Variants in PLOD3 observed in about 807,000 individuals in gnomAD.
PLOD3 encodes the protein multifunctional procollagen lysine hydroxylase and glycosyltransferase LH3.
A neutral mutation model predicts 96.9 loss-of-function variants in PLOD3; 73 were observed. The observed-to-expected ratio is 0.75, with a 90% CI of 0.62 to 0.92. The LOEUF (loss-of-function observed/expected upper bound fraction) is 0.92, where lower values mean the gene tolerates loss of function less well. Among genes scored for constraint, PLOD3 ranks in the 40% least tolerant of loss-of-function variants. PLOD3 has a pLI of 0.00. For synonymous variants in PLOD3, 454 were observed against 413.7 expected (o/e 1.10, Z -1.18); for missense variants, 1,004 against 1,004.3 (o/e 1.00, Z 0.00).
chr7:101,217,120 C>T lies in PLOD3; in HGVS notation c.109+46G>A, dbSNP rs28361887. ...TCTCCGGGCCAGGCTGGCAGGCACGCCAGCCTCTGCCCCCTCGGCCGTGCC... is the reference window on the plus strand; with the variant it reads ...TCTCCGGGCCAGGCTGGCAGGCACGTCAGCCTCTGCCCCCTCGGCCGTGCC... On this transcript the variant is annotated intron_variant, in intron 1 of 18. Transcript: ENST00000223127. 0.25 allele frequency: 357,935 copies of T among 1,435,778 alleles called. 46,352 individuals are homozygous for T. The highest frequency in any genetic ancestry group is 0.44 in the African/African-American group (30,439 of 69,668). 88.9% of individuals were successfully genotyped at this position (1,435,778 alleles called of 1,614,324 possible). A position where few individuals can be genotyped will look rare whatever the true frequency, so the allele number is the denominator to read the frequency against.
In PLOD3 at chr7:101,213,174, C is replaced by A; in HGVS notation, c.710G>T (p.Arg237Leu). The A allele has an allele frequency of 1.9e-6, 3 of 1,613,602 alleles. No individual in the cohort carries two copies. The highest frequency in any genetic ancestry group is 2.5e-6 in the Non-Finnish European group (3 of 1,179,566). ...GTAGGCCACGTTCCGGATACGCACA[C>A]GGTTCCGATCAAACTTTAAAACCAC... is the stretch of plus-strand genomic sequence containing the variant. ...DEVVLKFDRN[R>L]VRIRNVAYDT... Residue 237 changes from arginine (R) to leucine (L), a missense_variant, in exon 7 of 19, where the codon CGT becomes CTT. Physicochemically the swap from Arg to Leu is moderately radical, Grantham distance 102. This residue lies in a region of PLOD3 where 690 missense variants were observed against 650.2 expected (regional missense o/e 1.06). Coordinates refer to ENST00000223127, the MANE Select transcript of PLOD3 (RefSeq NM_001084.5).
rs531180467 is a variant in PLOD3 at position 101,217,526 on chromosome 7, C to T, written c.-252G>A. On this transcript the variant is annotated 5_prime_UTR_variant, in exon 1 of 19. Coordinates refer to ENST00000223127, the MANE Select transcript of PLOD3 (RefSeq NM_001084.5). ...GGGAGGCGGGGGAGGGGCGGCGGCT[C>T]GGGCCGGCGGGCGGGAGACAGGGAC... The T allele has an allele frequency of 8.5e-5, 38 of 447,864 alleles. No individual in the cohort carries two copies. Among genetic ancestry groups the T allele is most frequent in the African/African-American group, 5.8e-4 (28 of 47,936 alleles). The allele number at this position is 447,864 out of a possible 1,614,324, so 27.7% of individuals were successfully genotyped here. A position where few individuals can be genotyped will look rare whatever the true frequency, so the allele number is the denominator to read the frequency against.
At chr7:101,212,051 A>T in intron 10 of PLOD3, 101 bp from the exon 11 acceptor site, 1 of 1,032,282 alleles carries the variant, frequency 9.7e-7, no homozygotes, top group Middle Eastern at 3.0e-4. Context: ...GGCAGTGTCT[A>T]TCCTTCCTTC....
In PLOD3 at chr7:101,206,867, G is replaced by A; in HGVS notation, c.1973C>T (p.Pro658Leu). The A allele has an allele frequency of 1.3e-6, 2 of 1,560,814 alleles. No homozygotes were observed. The highest frequency in any genetic ancestry group is 1.7e-6 in the Non-Finnish European group (2 of 1,151,910). Residue 658 changes from proline to leucine, a missense_variant, in exon 18 of 19, where the codon CCA becomes CTA. Physicochemically the swap from Pro to Leu is moderately conservative, Grantham distance 98. Around this residue, in one of 5 missense-constraint regions of PLOD3, gnomAD observed 222 missense variants for 220.4 expected, o/e 1.01. Transcript: ENST00000223127. ...TGGCCGCAGAGACGGCTGCTCGTCT[G>A]GCCGGTAGCGAACCACAAAGTTCAT... Reference protein sequence around the residue: ...AVMNFVVRYRPDEQPSLRPHH... With the variant: ...AVMNFVVRYRLDEQPSLRPHH...
intron 10 of PLOD3, 70 bp from the exon 11 acceptor site, chr7:101,212,020 C>A: frequency 8.8e-7 from 1 of 1,137,186 alleles, no homozygotes; most frequent in African/African-American, 1.5e-5. Context: ...CTGGCCCATG[C>A]CCCCAGGAGA....
chr7:101,210,617 AG>A lies in PLOD3; in HGVS notation c.1414del (p.Leu472CysfsTer35). 1.2e-6 allele frequency: 2 copies of A among 1,614,118 alleles called. No individual in the cohort carries two copies. The highest frequency in any genetic ancestry group is 2.2e-5 in the South Asian group (2 of 91,080). Reference sequence around the variant, plus strand: ...ATCCCTCTGGGGCAGCTCCATCCGCAGGGTATCACCCCGGATCACATAGGCC... The same window carrying A: ...ATCCCTCTGGGGCAGCTCCATCCGCAGGTATCACCCCGGATCACATAGGCC... ...SQAYVIRGDT[L>X]RMELPQRDVF... On this transcript the variant is annotated frameshift_variant, in exon 13 of 19. Transcript: ENST00000223127. LOFTEE classifies it high-confidence loss of function.
rs1798216126 is a variant in PLOD3, at chr7:101,213,254, C to T, written c.680-50G>A. 5 of 1,184,258 alleles carry T rather than the reference C, an allele frequency of 4.2e-6. No individual in the cohort carries two copies. The East Asian group carries it at 1.2e-4, about 28-fold the overall frequency. The allele number at this position is 1,184,258 out of a possible 1,614,324, so 73.4% of individuals were successfully genotyped here. A position where few individuals can be genotyped will look rare whatever the true frequency, so the allele number is the denominator to read the frequency against. ...CAGACCCCCTTTCTCTGGGAGCTAC[C>T]AAGCAACACATTCTTCTAAATATGG... On this transcript the variant is annotated intron_variant, in intron 6 of 18. Coordinates refer to ENST00000223127, the MANE Select transcript of PLOD3 (RefSeq NM_001084.5).
At position 101,216,340 on chromosome 7, in the gene PLOD3, G is replaced by C; in HGVS notation, c.339-14C>G. ...ATCACGTCGTAGCTGGGTGAGGAAG[G>C]GGAGGATGGGCAGGGGTCCACTGGG... On this transcript the variant is annotated splice_polypyrimidine_tract_variant and intron_variant, in intron 3 of 18. Coordinates refer to ENST00000223127, the MANE Select transcript of PLOD3 (RefSeq NM_001084.5). 6.2e-7 allele frequency: 1 copy of C among 1,613,390 alleles called. No individual in the cohort carries two copies. The highest frequency in any genetic ancestry group is 1.1e-5 in the South Asian group (1 of 91,080).
chr7:101,207,569 G>T lies in PLOD3; in HGVS notation c.1935+9C>A. The T allele has an allele frequency of 6.2e-7, 1 of 1,613,202 alleles. No homozygotes were observed. Among genetic ancestry groups the T allele is most frequent in the Non-Finnish European group, 8.5e-7 (1 of 1,179,264 alleles). ...AGGTGGGGAGGCAGCTGGCAGGTGG[G>T]CAGCGCACCTTGGTGTGGTAACCGG... On this transcript the variant is annotated intron_variant, in intron 17 of 18. Coordinates refer to ENST00000223127, the MANE Select transcript of PLOD3 (RefSeq NM_001084.5).
In PLOD3 at chr7:101,207,527, C is replaced by T. The variant is rs117827620; in HGVS notation, c.1935+51G>A. ...GGGGTCTGCGTGGAGACTTCCTGTC[C>T]GGGACTGGGGTGGGGAAGGTGGGGA... On this transcript the variant is annotated intron_variant, in intron 17 of 18. Coordinates refer to ENST00000223127, the MANE Select transcript of PLOD3 (RefSeq NM_001084.5). 13,104 of 1,593,522 alleles carry T rather than the reference C, an allele frequency of 8.2e-3. 212 individuals are homozygous for T. The highest frequency in any genetic ancestry group is 0.079 in the East Asian group (3,535 of 44,604).
Position 101,212,244 on chromosome 7 carries a change from C to T in PLOD3, c.1127+9G>A. The T allele has an allele frequency of 6.2e-7, 1 of 1,611,998 alleles. No homozygotes were observed. Among genetic ancestry groups the T allele is most frequent in the Non-Finnish European group, 8.5e-7 (1 of 1,179,912 alleles). Reference sequence around the variant, plus strand: ...TCCCACCCTCTCCTCCCCGCAAGCACCCGCTCACATGGCCATGTCCCTGGC... The same window carrying T: ...TCCCACCCTCTCCTCCCCGCAAGCATCCGCTCACATGGCCATGTCCCTGGC... On this transcript the variant is annotated intron_variant, in intron 10 of 18. Transcript: ENST00000223127.
At chr7:101,214,410 CG>C (rs1455674033) in intron 6 of PLOD3, among the ~76,000 whole-genome samples, 3 of 152,072 alleles carry the variant, frequency 2.0e-5, no homozygotes, top group African/African-American at 7.2e-5. Flanking sequence ...GGATTACAGG[CG>C]TGAGGCACCG....
intron 6 of PLOD3, 35 bp from the exon 7 acceptor site, chr7:101,213,239 T>C (rs1163547697): frequency 7.2e-7 from 1 of 1,379,738 alleles, no homozygotes; most frequent in Non-Finnish European, 1.0e-6. Flanking sequence ...CAGACCCCCT[T>C]TCTCTGGGAG....
rs374560741 is a variant in PLOD3 at position 101,206,836 on chromosome 7, G to A, written c.2004C>T (p.His668=). Residue 668 remains histidine (H), a synonymous_variant, in exon 18 of 19, where the codon CAC becomes CAT. Transcript: ENST00000223127. The part of the protein sequence containing the change: ...PDEQPSLRPH[H]DSSTFTLNVA... ...CGTTGAGGGTGAAGGTGGATGAGTC[G>A]TGGTGTGGCCGCAGAGACGGCTGCT... 1.4e-4 allele frequency: 227 copies of A among 1,574,690 alleles called. No homozygotes were observed. Among genetic ancestry groups the A allele is most frequent in the Non-Finnish European group, 1.7e-4 (200 of 1,159,756 alleles).
chr7:101,215,003 C>A, intron 6 of PLOD3, 86 bp downstream of exon 6: 1 of 1,013,574 alleles, frequency 9.9e-7, no homozygotes, highest in South Asian at 1.3e-5. Flanking sequence ...TTGGATCAGC[C>A]CAGCTCCTCC....
In PLOD3 at chr7:101,206,864, T is replaced by G; in HGVS notation, c.1976A>C (p.Asp659Ala). The change falls in exon 18 of 19, where the codon GAC becomes GCC. Residue 659 changes from aspartate to alanine, a missense_variant. Asp to Ala is a moderately radical substitution (Grantham distance 126, BLOSUM62 -2). Transcript: ENST00000223127. ...GTGTGGCCGCAGAGACGGCTGCTCG[T>G]CTGGCCGGTAGCGAACCACAAAGTT... ...VMNFVVRYRP[D>A]EQPSLRPHHD... 1 of 1,562,370 alleles carries G rather than the reference T, an allele frequency of 6.4e-7. No homozygotes were observed. The highest frequency in any genetic ancestry group is 8.7e-7 in the Non-Finnish European group (1 of 1,152,872).
chr7:101,209,577 G>C (rs1319662147), intron 15 of PLOD3, among the ~76,000 whole-genome samples: 2 of 138,340 alleles, frequency 1.4e-5, no homozygotes, highest in Non-Finnish European at 3.1e-5. Flanking sequence ...TTTTTTGGTA[G>C]AGACAGGATT....
At chr7:101,210,072 G>A (rs747060128) in intron 15 of PLOD3, 21 bp downstream of exon 15, 9 of 1,537,544 alleles carry the variant, frequency 5.9e-6, no homozygotes, top group Non-Finnish European at 8.0e-6. Flanking sequence ...GGGGGTGGGT[G>A]GGGAGGCTGC....
In PLOD3 at chr7:101,216,312, A is replaced by T. The variant is rs1322535361; in HGVS notation, c.353T>A (p.Leu118Gln). 6.2e-7 allele frequency: 1 copy of T among 1,613,452 alleles called. No individual in the cohort carries two copies. The highest frequency in any genetic ancestry group is 2.2e-5 in the East Asian group (1 of 44,878). The change falls in exon 4 of 19, where the codon CTG (leucine) becomes CAG (glutamine). Residue 118 changes from leucine (L) to glutamine (Q), a missense_variant. Transcript: ENST00000223127. ...CAGCAGCTCTGTGGGGCTGCCGGCC[A>T]GAATCACGTCGTAGCTGGGTGAGGA... ...IMFVDSYDVI[L>Q]AGSPTELLKK...
Sources: allele counts gnomAD v4.1 joint callset (sites outside exome capture counted in the v4.1 genomes callset), GRCh38; gene constraint gnomAD v4.1.1; regional missense constraint gnomAD v4.1.1; transcripts MANE v1.5; gene names NCBI Gene and HGNC (gene_info 2026-07-23, HGNC 2026-07-21).